CNTNAP2: variants seen among roughly 807,000 people sequenced by gnomAD.
CNTNAP2 encodes contactin associated protein 2.
In CNTNAP2, 98 loss-of-function variants were observed where a neutral mutation model predicts 155.2. That is an observed-to-expected ratio of 0.63 (90% CI 0.54 to 0.75). CNTNAP2 has a LOEUF of 0.75. CNTNAP2 is among the 30% of genes least tolerant of loss of function. The pLI, the probability that CNTNAP2 is intolerant of heterozygous loss-of-function variation, is 0.00. For missense variants in CNTNAP2, 1,727 were observed against 1,688.1 expected (o/e 1.02, Z -0.40); for synonymous variants, 651 against 631.2 (o/e 1.03, Z -0.47).
chr7:146,696,834 T>A (rs1401388898), intron 1 of CNTNAP2, among the ~76,000 whole-genome samples: 3 of 152,178 alleles, frequency 2.0e-5, no homozygotes, highest in Non-Finnish European at 2.9e-5. Context: ...CTTCTTTTTA[T>A]TTTTGACTTT....
Position 147,639,123 on chromosome 7 carries a change from A to G in CNTNAP2, c.1915A>G (p.Ile639Val), listed in dbSNP as rs746458660. 1.2e-6 allele frequency: 2 copies of G among 1,614,142 alleles called. No homozygotes were observed. The highest frequency in any genetic ancestry group is 1.1e-5 in the South Asian group (1 of 91,090). The change falls in exon 13 of 24, where the codon ATA becomes GTA. Residue 639 changes from isoleucine (I) to valine (V), a missense_variant. Coordinates refer to ENST00000361727, the MANE Select transcript of CNTNAP2 (RefSeq NM_014141.6). ...CCCCACAGAGGACAAAGTGTGGACC[A>G]TAGTGTCTCATGACTTGCAGATGCA... The part of the protein sequence containing the change: ...CNMTEDKVWT[I>V]VSHDLQMQTP...
At chr7:146,855,357 A>G (rs28706350) in intron 3 of CNTNAP2, among the ~76,000 whole-genome samples, 5,604 of 152,278 alleles carry the variant, frequency 0.037, 335 homozygotes, top group African/African-American at 0.13. Context: ...TACAGCTCCA[A>G]TAACATAAAA....
At chr7:147,681,532 G>T (rs959045227) in intron 13 of CNTNAP2, among the ~76,000 whole-genome samples, 8 of 151,896 alleles carry the variant, frequency 5.3e-5, no homozygotes, top group Non-Finnish European at 1.2e-4. Flanking sequence ...CTAAAGCAAT[G>T]AGCTTCTCTG....
At chr7:148,061,788 T>C (rs1803136351) in intron 15 of CNTNAP2, among the ~76,000 whole-genome samples, 1 of 148,248 alleles carries the variant, frequency 6.7e-6, no homozygotes, top group Admixed American at 7.0e-5. Flanking sequence ...AACAAGTCTG[T>C]CTTTCTTGCT....
intron 8 of CNTNAP2, among the ~76,000 whole-genome samples, chr7:147,180,913 G>A (rs1036181316): frequency 6.6e-6 from 1 of 152,092 alleles, no homozygotes; most frequent in East Asian, 1.9e-4. Flanking sequence ...CAATGGATCA[G>A]CAAAATGGTT....
intron 3 of CNTNAP2, among the ~76,000 whole-genome samples, chr7:146,912,741 CA>C (rs1212072426): frequency 2.6e-5 from 4 of 152,206 alleles, no homozygotes; most frequent in Admixed American, 6.5e-5. Flanking sequence ...CTGTGAAAAA[CA>C]AAGGCTTTAG....
chr7:146,335,838 C>T (rs904682852), intron 1 of CNTNAP2, among the ~76,000 whole-genome samples: 8 of 151,800 alleles, frequency 5.3e-5, no homozygotes, highest in South Asian at 2.1e-4. Flanking sequence ...ATTTAGGGGT[C>T]GGGGAAGAGG....
intron 8 of CNTNAP2, chr7:147,167,284 C>T: frequency 5.2e-6 from 2 of 382,774 alleles, no homozygotes; most frequent in Non-Finnish European, 9.1e-6. Context: ...TTTTCTTTAA[C>T]GTTTATAATC....
At chr7:146,933,708 C>G (rs1375560383) in intron 3 of CNTNAP2, among the ~76,000 whole-genome samples, 1 of 150,992 alleles carries the variant, frequency 6.6e-6, no homozygotes, top group East Asian at 1.9e-4. Context: ...GGGCTAGTAT[C>G]CAGAATCTAC....
intron 1 of CNTNAP2, among the ~76,000 whole-genome samples, chr7:146,544,389 C>T (rs1196834467): frequency 1.3e-5 from 2 of 151,940 alleles, no homozygotes; most frequent in African/African-American, 4.8e-5. Context: ...GCAAGTGAGG[C>T]CTTTGCCTTT....
intron 1 of CNTNAP2, among the ~76,000 whole-genome samples, chr7:146,527,545 A>G (rs1797708871): frequency 6.7e-6 from 1 of 150,068 alleles, no homozygotes. Context: ...GTATATATAG[A>G]CCAAAAATAA....
At chr7:148,174,577 GC>G (rs1040440976) in intron 18 of CNTNAP2, among the ~76,000 whole-genome samples, 6 of 152,178 alleles carry the variant, frequency 3.9e-5, no homozygotes, top group African/African-American at 1.4e-4. Context: ...CTAATATTTT[GC>G]CAAGTGAATG....
intron 10 of CNTNAP2, among the ~76,000 whole-genome samples, chr7:147,431,685 T>C (rs187041458): frequency 1.5e-3 from 230 of 152,354 alleles, no homozygotes; most frequent in Middle Eastern, 3.4e-3. Context: ...CTTGTTTTTT[T>C]CTCTGGGATA....
At chr7:146,254,164 A>C (rs2430326) in intron 1 of CNTNAP2, among the ~76,000 whole-genome samples, 1,499 of 124,272 alleles carry the variant, frequency 0.012, 19 homozygotes, top group African/African-American at 0.049. Context: ...CACACACACA[A>C]GCAAACACAC....
intron 1 of CNTNAP2, among the ~76,000 whole-genome samples, chr7:146,417,577 C>CT (rs1048281003): frequency 7.2e-5 from 11 of 151,998 alleles, no homozygotes; most frequent in African/African-American, 2.2e-4. Flanking sequence ...TCTTCTTCTT[C>CT]TTTTTTTGTG....
intron 12 of CNTNAP2, among the ~76,000 whole-genome samples, chr7:147,634,767 G>A (rs1795149082): frequency 6.6e-6 from 1 of 152,082 alleles, no homozygotes; most frequent in African/African-American, 2.4e-5. Context: ...GTTACAGCAT[G>A]CTACTTTTCT....
intron 1 of CNTNAP2, among the ~76,000 whole-genome samples, chr7:146,586,073 C>T (rs879903682): frequency 6.6e-6 from 1 of 151,972 alleles, no homozygotes; most frequent in Non-Finnish European, 1.5e-5. Context: ...TGTAATTTCA[C>T]ACCTGTGGTA....
intron 8 of CNTNAP2, among the ~76,000 whole-genome samples, chr7:147,182,336 T>C (rs1802478183): frequency 6.6e-6 from 1 of 152,102 alleles, no homozygotes; most frequent in Admixed American, 6.6e-5. Flanking sequence ...GGTCTTTGTG[T>C]TAATTTGTTA....
At chr7:146,654,213 G>A (rs921000898) in intron 1 of CNTNAP2, among the ~76,000 whole-genome samples, 1 of 151,940 alleles carries the variant, frequency 6.6e-6, no homozygotes, top group Non-Finnish European at 1.5e-5. Flanking sequence ...GAGATGTCTG[G>A]TCAGCCACAG....
Sources: allele counts gnomAD v4.1 joint callset (sites outside exome capture counted in the v4.1 genomes callset), GRCh38; gene constraint gnomAD v4.1.1; transcripts MANE v1.5; gene names NCBI Gene and HGNC (gene_info 2026-07-23, HGNC 2026-07-21).